The following CSMD1 variants were observed in gnomAD, a reference collection of about 807,000 sequenced individuals.
CSMD1 encodes CUB and sushi domain-containing protein 1.
Under a neutral mutation model 417.5 loss-of-function variants are expected in CSMD1, and 213 were observed. The ratio of observed to expected loss-of-function variants is 0.51; its 90% CI spans 0.46 to 0.57. The LOEUF (loss-of-function observed/expected upper bound fraction) is 0.57, where lower values mean the gene tolerates loss of function less well. CSMD1 is among the 20% of genes least tolerant of loss of function. The pLI, the probability that CSMD1 is intolerant of heterozygous loss-of-function variation, is 0.00. For missense variants in CSMD1, 6,923 were observed against 4,529.7 expected (o/e 1.53, Z -15.17); for synonymous variants, 2,862 against 1,736.8 (o/e 1.65, Z -16.11).
chr8:2,957,930 C>T (rs965604195), intron 62 of CSMD1, 123 bp from the exon 63 acceptor site: 6 of 663,394 alleles, frequency 9.0e-6, no homozygotes, highest in African/African-American at 9.0e-5. Flanking sequence ...TAATGTCAAG[C>T]CACTGTCTAA....
intron 46 of CSMD1, among the ~76,000 whole-genome samples, chr8:3,100,227 T>C (rs1815632010): frequency 6.6e-6 from 1 of 152,146 alleles, no homozygotes; most frequent in African/African-American, 2.4e-5. Context: ...AATTTTTGTA[T>C]TTTTATTTTA....
In CSMD1 at chr8:3,650,291, A is replaced by T. The variant is rs968296394; in HGVS notation, c.1010-33494T>A. 2.0e-5 allele frequency among the ~76,000 whole-genome samples: 3 copies of T among 151,748 alleles called. No homozygotes were observed. The South Asian group carries it at 6.2e-4, about 31-fold the overall frequency. On this transcript the variant is annotated intron_variant, in intron 7 of 69. Coordinates refer to ENST00000635120, the MANE Select transcript of CSMD1 (RefSeq NM_033225.6). ...AGACTCTTTCTCAGAAAAAAAAAAGAAAAGTAAAGAAAAAAGAAAATGAAT... is the reference window on the plus strand; with the variant it reads ...AGACTCTTTCTCAGAAAAAAAAAAGTAAAGTAAAGAAAAAAGAAAATGAAT...
intron 36 of CSMD1, among the ~76,000 whole-genome samples, chr8:3,182,483 G>C (rs1274322571): frequency 1.3e-5 from 2 of 152,044 alleles, no homozygotes; most frequent in Admixed American, 6.6e-5. Flanking sequence ...CCAAAGTCCT[G>C]GGATTACAGG....
chr8:4,677,896 T>G (rs375147080), intron 1 of CSMD1, among the ~76,000 whole-genome samples: 20 of 152,234 alleles, frequency 1.3e-4, no homozygotes, highest in African/African-American at 4.1e-4. Context: ...TGCTGTAAAG[T>G]GTGACATTTA....
At chr8:3,293,534 CT>C (rs577724202) in intron 25 of CSMD1, among the ~76,000 whole-genome samples, 1 of 152,064 alleles carries the variant, frequency 6.6e-6, no homozygotes, top group Non-Finnish European at 1.5e-5. Context: ...TCTTTTTATT[CT>C]TTTTTTCTCT....
chr8:3,272,640 C>T (rs2117162570), intron 26 of CSMD1, among the ~76,000 whole-genome samples: 1 of 138,152 alleles, frequency 7.2e-6, no homozygotes, highest in Admixed American at 7.4e-5. Context: ...TTGAAGAGGT[C>T]CTTCACATCC....
chr8:4,414,646 T>C (rs1476902566), intron 3 of CSMD1, among the ~76,000 whole-genome samples: 1 of 152,106 alleles, frequency 6.6e-6, no homozygotes, highest in Non-Finnish European at 1.5e-5. Flanking sequence ...AGAAAGAAAA[T>C]CAAATTCAAA....
chr8:4,937,471 T>C (rs1807699728), intron 1 of CSMD1, among the ~76,000 whole-genome samples: 1 of 152,194 alleles, frequency 6.6e-6, no homozygotes, highest in African/African-American at 2.4e-5. Context: ...GGTATTTTCT[T>C]ATGTGTTGGA....
chr8:4,627,073 T>A (rs909923546), intron 2 of CSMD1, among the ~76,000 whole-genome samples: 1 of 152,166 alleles, frequency 6.6e-6, no homozygotes, highest in Non-Finnish European at 1.5e-5. Flanking sequence ...ACTCACATAT[T>A]TTGTATATAG....
intron 2 of CSMD1, among the ~76,000 whole-genome samples, chr8:4,559,316 A>G (rs1798226330): frequency 6.6e-6 from 1 of 152,210 alleles, no homozygotes; most frequent in Admixed American, 6.5e-5. Context: ...ATGGAATTAC[A>G]GATGATTTAA....
intron 5 of CSMD1, among the ~76,000 whole-genome samples, chr8:3,817,534 C>T (rs982493401): frequency 6.6e-6 from 1 of 151,984 alleles, no homozygotes. Flanking sequence ...CCACCTCAGC[C>T]TCCCAAAGCG....
chr8:4,635,087 T>C (rs1367893309), intron 2 of CSMD1, among the ~76,000 whole-genome samples: 1 of 152,130 alleles, frequency 6.6e-6, no homozygotes, highest in African/African-American at 2.4e-5. Context: ...ATATGACATA[T>C]TTTTCTCTAT....
At chr8:3,994,736 T>A (rs77728970) in intron 5 of CSMD1, among the ~76,000 whole-genome samples, 5,475 of 152,274 alleles carry the variant, frequency 0.036, 244 homozygotes, top group African/African-American at 0.1. Context: ...ATCCCCTATA[T>A]TTAGACTGCC....
Position 3,590,549 on chromosome 8 carries a change from A to G in CSMD1, c.1098-4289T>C, listed in dbSNP as rs538685593. On this transcript the variant is annotated intron_variant, in intron 8 of 69. Transcript: ENST00000635120. The stretch of plus-strand genomic sequence containing the variant: ...AGTCCAGAAATCTCTGCGCACATTC[A>G]TATTCAGTACATTGAGAGTACAGTA... Among the ~76,000 whole-genome samples the G allele has an allele frequency of 5.9e-5, 9 of 152,296 alleles. No homozygotes were observed. In the South Asian group the frequency reaches 1.3e-3, roughly 21 times the overall value.
intron 6 of CSMD1, among the ~76,000 whole-genome samples, chr8:3,713,316 C>T (rs1219348080): frequency 6.6e-6 from 1 of 152,142 alleles, no homozygotes; most frequent in Non-Finnish European, 1.5e-5. Context: ...TGTGACGAAA[C>T]CATTACTATA....
At position 3,564,682 on chromosome 8, in the gene CSMD1, C is replaced by CA. The variant is rs200650526; in HGVS notation, c.1344+10262dup. On this transcript the variant is annotated intron_variant, in intron 10 of 69. Coordinates refer to ENST00000635120, the MANE Select transcript of CSMD1 (RefSeq NM_033225.6). ...AAGAACTGAGGTGTTATAAGAAAAT[C>CA]AATCCAGCAGAAAGTGGAGAATGTA... Among the ~76,000 whole-genome samples, 431 of 152,042 alleles carry CA rather than the reference C, an allele frequency of 2.8e-3. 3 individuals are homozygous for CA. Among genetic ancestry groups the CA allele is most frequent in the African/African-American group, 1.0e-2 (414 of 41,442 alleles).
chr8:3,116,395 A>G (rs1023402260), intron 42 of CSMD1, among the ~76,000 whole-genome samples: 1 of 151,998 alleles, frequency 6.6e-6, no homozygotes, highest in Non-Finnish European at 1.5e-5. Flanking sequence ...ACTCTGCCAC[A>G]TGTGTCTTTT....
At chr8:4,177,960 T>A (rs1428246579) in intron 3 of CSMD1, among the ~76,000 whole-genome samples, 1 of 151,862 alleles carries the variant, frequency 6.6e-6, no homozygotes, top group Admixed American at 6.6e-5. Flanking sequence ...CCAAAAAGAG[T>A]CCAGGATCAT....
intron 1 of CSMD1, among the ~76,000 whole-genome samples, chr8:4,790,313 A>G (rs928917179): frequency 2.0e-5 from 3 of 152,176 alleles, no homozygotes; most frequent in African/African-American, 4.8e-5. Flanking sequence ...TACAAAACAG[A>G]AAGAAATCAG....
Sources: gnomAD v4.1 joint callset for allele counts (sites outside exome capture counted in the v4.1 genomes callset) on GRCh38, gnomAD v4.1.1 for gene constraint, MANE v1.5 for transcripts, NCBI Gene and HGNC (gene_info 2026-07-23, HGNC 2026-07-21) for gene names.